MAGI1: variants seen among roughly 807,000 people sequenced by gnomAD.
MAGI1 encodes membrane-associated guanylate kinase, WW and PDZ domain-containing protein 1.
In MAGI1, 58 loss-of-function variants were observed where a neutral mutation model predicts 139.9. That is an observed-to-expected ratio of 0.41 (90% confidence interval 0.34 to 0.52). The LOEUF (loss-of-function observed/expected upper bound fraction) is 0.52. Ranked by LOEUF, MAGI1 falls within the 20% of genes least tolerant of loss-of-function variation. MAGI1 has a pLI of 0.12. For synonymous variants in MAGI1, 812 were observed against 737.9 expected (o/e 1.10, Z -1.63); for missense variants, 1,874 against 1,901.6 (o/e 0.99, Z 0.27).
At chr3:65,920,727 T>A (rs572942966) in intron 1 of MAGI1, among the ~76,000 whole-genome samples, 25 of 152,186 alleles carry the variant, frequency 1.6e-4, no homozygotes, top group Non-Finnish European at 3.4e-4. Context: ...ATGACAACAT[T>A]TACATTTGGT....
At chr3:65,771,026 G>A (rs1229503451) in intron 1 of MAGI1, among the ~76,000 whole-genome samples, 1 of 151,970 alleles carries the variant, frequency 6.6e-6, no homozygotes, top group African/African-American at 2.4e-5. Flanking sequence ...ACTGGGCAGG[G>A]TGTGGTATTA....
At chr3:66,012,278 A>G (rs1412776955) in intron 1 of MAGI1, among the ~76,000 whole-genome samples, 1 of 152,154 alleles carries the variant, frequency 6.6e-6, no homozygotes, top group Admixed American at 6.5e-5. Context: ...TTTTTAGCAG[A>G]GGGCAAATAA....
intron 1 of MAGI1, among the ~76,000 whole-genome samples, chr3:65,919,783 G>A (rs2062086726): frequency 6.6e-6 from 1 of 151,800 alleles, no homozygotes; most frequent in Admixed American, 6.6e-5. Context: ...ATACACGGCT[G>A]GAATAATTTC....
At chr3:65,848,108 T>C (rs1399080607) in intron 1 of MAGI1, among the ~76,000 whole-genome samples, 1 of 152,200 alleles carries the variant, frequency 6.6e-6, no homozygotes, top group Non-Finnish European at 1.5e-5. Flanking sequence ...AGGAAATTCA[T>C]TTCCCCAATT....
At chr3:65,976,756 T>C (rs1200035812) in intron 1 of MAGI1, among the ~76,000 whole-genome samples, 1 of 152,208 alleles carries the variant, frequency 6.6e-6, no homozygotes, top group Non-Finnish European at 1.5e-5. Context: ...CATACAAGAA[T>C]TAATCGAAAC....
At chr3:65,497,482 G>T (rs1208861126) in intron 2 of MAGI1, among the ~76,000 whole-genome samples, 1 of 152,094 alleles carries the variant, frequency 6.6e-6, no homozygotes, top group Non-Finnish European at 1.5e-5. Context: ...GAATCTCTTT[G>T]AAACTTGCTG....
Position 65,619,858 on chromosome 3 carries a change from C to T in MAGI1, c.430+2114G>A, listed in dbSNP as rs370226904. ...TGTAAAATGAATTGTTACCTGTTTT[C>T]TCTTTTAGTAGGAACACCATTTCTG... On this transcript the variant is annotated intron_variant, in intron 2 of 22. Coordinates refer to ENST00000402939, the MANE Select transcript of MAGI1 (RefSeq NM_001033057.2). The T allele has an allele frequency of 3.8e-4, 378 of 985,068 alleles. 3 individuals carry two copies. In the South Asian group the frequency reaches 0.015, roughly 39 times the overall value. The allele number at this position is 985,068 out of a possible 1,614,324, so 61.0% of individuals were successfully genotyped here.
In MAGI1 at chr3:65,876,750, T is replaced by TC. The variant is rs1339636525; in HGVS notation, c.313+161245_313+161246insG. 5.9e-4 allele frequency among the ~76,000 whole-genome samples: 89 copies of TC among 151,472 alleles called. 1 individual carries two copies. The highest frequency in any genetic ancestry group is 6.8e-3 in the Middle Eastern group (2 of 294). ...GATTATCTGCATGTATCATGCTTTT[T>TC]TTTTTTTTTTTGAGACAGAGTCTTG... On this transcript the variant is annotated intron_variant, in intron 1 of 22. Coordinates refer to ENST00000402939, the MANE Select transcript of MAGI1 (RefSeq NM_001033057.2).
intron 1 of MAGI1, among the ~76,000 whole-genome samples, chr3:65,846,426 A>G (rs935304123): frequency 6.6e-6 from 1 of 152,248 alleles, no homozygotes; most frequent in Admixed American, 6.5e-5. Context: ...GAGTGACCTT[A>G]GTAAGTTACT....
chr3:65,530,656 T>TATATATATATACATATATATATAC, intron 2 of MAGI1, among the ~76,000 whole-genome samples: 3 of 134,742 alleles, frequency 2.2e-5, no homozygotes, highest in Non-Finnish European at 1.5e-5. Context: ...TGTGTGTGTG[T>TATATATATATACATATATATATAC]GTGTGTATAT....
chr3:65,542,176 C>G (rs1363452863), intron 2 of MAGI1, among the ~76,000 whole-genome samples: 2 of 152,028 alleles, frequency 1.3e-5, no homozygotes, highest in African/African-American at 4.8e-5. Context: ...ACAATTGCTA[C>G]TAAGAGAATA....
chr3:65,517,330 A>C (rs1489820441), intron 2 of MAGI1, among the ~76,000 whole-genome samples: 2 of 152,108 alleles, frequency 1.3e-5, no homozygotes, highest in African/African-American at 4.8e-5. Context: ...AGAGCTTCCT[A>C]ATGGCTTACT....
intron 1 of MAGI1, among the ~76,000 whole-genome samples, chr3:65,770,355 T>C (rs551173851): frequency 1.1e-4 from 17 of 152,342 alleles, no homozygotes; most frequent in African/African-American, 4.1e-4. Context: ...TGTTCATCTT[T>C]TAGTTGCCTT....
intron 1 of MAGI1, among the ~76,000 whole-genome samples, chr3:65,676,859 A>C (rs2087225814): frequency 6.6e-6 from 1 of 152,224 alleles, no homozygotes; most frequent in South Asian, 2.1e-4. Flanking sequence ...TATTGTGTTC[A>C]ACAATACAGA....
At chr3:65,911,415 G>C (rs1470834884) in intron 1 of MAGI1, among the ~76,000 whole-genome samples, 2 of 152,030 alleles carry the variant, frequency 1.3e-5, no homozygotes, top group Non-Finnish European at 2.9e-5. Flanking sequence ...CCCCAGAGCT[G>C]CCCAGCGTCC....
intron 2 of MAGI1, among the ~76,000 whole-genome samples, chr3:65,596,596 A>G (rs1204590007): frequency 2.0e-5 from 3 of 152,228 alleles, no homozygotes; most frequent in African/African-American, 7.2e-5. Flanking sequence ...TGTGTGAGAC[A>G]AAGTCTATAT....
At chr3:65,596,076 C>T (rs1453557396) in intron 2 of MAGI1, among the ~76,000 whole-genome samples, 2 of 152,092 alleles carry the variant, frequency 1.3e-5, no homozygotes, top group African/African-American at 4.8e-5. Flanking sequence ...AGTTAAATCA[C>T]GAAAAGAATC....
intron 2 of MAGI1, among the ~76,000 whole-genome samples, chr3:65,610,528 T>C (rs2082993756): frequency 6.6e-6 from 1 of 151,798 alleles, no homozygotes; most frequent in Non-Finnish European, 1.5e-5. Flanking sequence ...ATATATCTTT[T>C]TTTTTCCCAA....
intron 1 of MAGI1, among the ~76,000 whole-genome samples, chr3:65,941,834 C>T (rs2063330123): frequency 6.6e-6 from 1 of 152,160 alleles, no homozygotes; most frequent in Admixed American, 6.5e-5. Flanking sequence ...CTCTGCTGAC[C>T]AGGCTGGAGT....
Sources: allele counts gnomAD v4.1 joint callset (sites outside exome capture counted in the v4.1 genomes callset), GRCh38; gene constraint gnomAD v4.1.1; transcripts MANE v1.5; gene names NCBI Gene and HGNC (gene_info 2026-07-23, HGNC 2026-07-21).